ADCY3: variants seen among roughly 807,000 people sequenced by gnomAD.
The protein encoded by ADCY3 is adenylate cyclase type 3.
A neutral mutation model predicts 119.4 loss-of-function variants in ADCY3; 70 were observed. That is an observed-to-expected ratio of 0.59 (90% CI 0.48 to 0.72). ADCY3 has a LOEUF of 0.72. ADCY3 is among the 30% of genes least tolerant of loss of function. ADCY3 has a pLI of 0.00. For missense variants in ADCY3, 1,238 were observed against 1,541.6 expected, an observed-to-expected ratio of 0.80 and a Z score of 3.30; for synonymous variants, 672 against 621.4, an observed-to-expected ratio of 1.08 and a Z score of -1.21.
chr2:24,887,544 A>G (rs1677184532), intron 2 of ADCY3, among the ~76,000 whole-genome samples: 1 of 152,018 alleles, frequency 6.6e-6, no homozygotes, highest in South Asian at 2.1e-4. Context: ...TCATGCAGCG[A>G]TAGCCGTGAT....
intron 2 of ADCY3, among the ~76,000 whole-genome samples, chr2:24,896,864 C>T (rs182008937): frequency 1.3e-5 from 2 of 152,232 alleles, no homozygotes; most frequent in African/African-American, 2.4e-5. Flanking sequence ...CGCCAGTCTC[C>T]GTTTGGGTTC....
intron 7 of ADCY3, 77 bp from the exon 8 acceptor site, chr2:24,838,699 C>T (rs1361188525): frequency 5.7e-6 from 9 of 1,591,950 alleles, no homozygotes; most frequent in African/African-American, 1.3e-5. Flanking sequence ...CCACGGACCA[C>T]GGCTGCACCG....
intron 9 of ADCY3, among the ~76,000 whole-genome samples, chr2:24,836,348 G>A (rs1032034257): frequency 2.0e-5 from 3 of 152,312 alleles, no homozygotes; most frequent in African/African-American, 4.8e-5. Flanking sequence ...TCCCCCTCAC[G>A]CGGTGAGCCC....
chr2:24,827,364 C>T (rs1668771306), intron 15 of ADCY3, among the ~76,000 whole-genome samples, 182 bp downstream of exon 15: 1 of 152,230 alleles, frequency 6.6e-6, no homozygotes, highest in East Asian at 1.9e-4. Context: ...CTGGTATTTC[C>T]TTCCCTCCTC....
chr2:24,912,181 TG>T, intron 2 of ADCY3, among the ~76,000 whole-genome samples: 1 of 151,918 alleles, frequency 6.6e-6, no homozygotes, highest in South Asian at 2.1e-4. Context: ...AATTTGGTGA[TG>T]GCTGGGCATG....
chr2:24,918,959 G>T lies in ADCY3; in HGVS notation c.29C>A (p.Pro10His), dbSNP rs768462891. Residue 10 changes from proline (P) to histidine (H), a missense_variant, in exon 2 of 22, where the codon CCC becomes CAC. By Grantham distance (77) the Pro-to-His change is moderately conservative (BLOSUM62 -2). Transcript: ENST00000679454. This position sits in a 1 kb window ranked among gnomAD's most constrained non-coding sequence, Gnocchi z 5.4. The part of the protein sequence containing the change: MPRNQGFSE[P>H]EYSAEYSAEY... ...GGCTGAGTACTCGGCCGAGTATTCGGGCTCGGAGAAGCCCTGGTTCCTCGG... is the reference window on the plus strand; with the variant it reads ...GGCTGAGTACTCGGCCGAGTATTCGTGCTCGGAGAAGCCCTGGTTCCTCGG... 3 of 1,600,192 alleles carry T rather than the reference G, an allele frequency of 1.9e-6. No individual in the cohort carries two copies. Among genetic ancestry groups the T allele is most frequent in the Non-Finnish European group, 2.6e-6 (3 of 1,175,332 alleles).
At chr2:24,915,576 T>C (rs1193929312) in intron 2 of ADCY3, among the ~76,000 whole-genome samples, 1 of 152,216 alleles carries the variant, frequency 6.6e-6, no homozygotes, top group African/African-American at 2.4e-5. Context: ...AGTCTCACTC[T>C]GTCGCCCAGG....
At chr2:24,826,903 TA>T (rs1668705265) in intron 15 of ADCY3, among the ~76,000 whole-genome samples, 1 of 152,234 alleles carries the variant, frequency 6.6e-6, no homozygotes, top group Admixed American at 6.5e-5. Context: ...GTGTAAGAGT[TA>T]CTATTGTACT....
chr2:24,870,837 T>C (rs1674907159), intron 3 of ADCY3, among the ~76,000 whole-genome samples: 1 of 152,328 alleles, frequency 6.6e-6, no homozygotes, highest in African/African-American at 2.4e-5. Flanking sequence ...GGGTTTCTCA[T>C]TTGACCCTCA....
chr2:24,877,943 C>T (rs776622631), intron 2 of ADCY3: 1 of 471,240 alleles, frequency 2.1e-6, no homozygotes, highest in South Asian at 1.5e-5. Flanking sequence ...GGTTGAGAAG[C>T]CTGCTCTGGA....
At position 24,842,184 on chromosome 2, in the gene ADCY3, C is replaced by A; in HGVS notation, c.956+70G>T. 2 of 1,602,414 alleles carry A rather than the reference C, an allele frequency of 1.2e-6. No homozygotes were observed. The highest frequency in any genetic ancestry group is 1.7e-5 in the Admixed American group (1 of 59,846). ...ACCTCTTGAAGCCCACAGCACCTAG[C>A]GGGTCCCACAAAGATGCAGCCCTCC... On this transcript the variant is annotated intron_variant, in intron 4 of 21. Transcript: ENST00000679454. This position sits in a 1 kb window ranked among gnomAD's most constrained non-coding sequence, Gnocchi z 4.9.
Position 24,834,710 on chromosome 2 carries a change from C to T in ADCY3, c.1806-64G>A, listed in dbSNP as rs553031848. On this transcript the variant is annotated intron_variant, in intron 10 of 21. Transcript: ENST00000679454. This position sits in a 1 kb window ranked among gnomAD's most constrained non-coding sequence, Gnocchi z 4.2. The stretch of plus-strand genomic sequence containing the variant: ...ATCTGCCTTGGCCTAGCAGGGGGGC[C>T]GTATTTGGGATGCTCAGTTTCCTGA... The T allele has an allele frequency of 1.8e-5, 29 of 1,602,694 alleles. No individual in the cohort carries two copies. Among genetic ancestry groups the T allele is most frequent in the African/African-American group, 9.4e-5 (7 of 74,776 alleles).
Position 24,842,240 on chromosome 2 carries a change from C to G in ADCY3, c.956+14G>C, listed in dbSNP as rs994872426. 3 of 1,613,806 alleles carry G rather than the reference C, an allele frequency of 1.9e-6. No homozygotes were observed. Among genetic ancestry groups the G allele is most frequent in the Admixed American group, 3.3e-5 (2 of 60,008 alleles). On this transcript the variant is annotated intron_variant, in intron 4 of 21. Transcript: ENST00000679454. This position sits in a 1 kb window ranked among gnomAD's most constrained non-coding sequence, Gnocchi z 4.9. ...CTGCTCTGCCATCAGAGCCCGCGCC[C>G]CGGGCCGGCGTACCTGACGTTCTCG...
At chr2:24,851,607 C>A (rs578160792) in intron 3 of ADCY3, among the ~76,000 whole-genome samples, 5 of 152,270 alleles carry the variant, frequency 3.3e-5, no homozygotes, top group Admixed American at 1.3e-4. Flanking sequence ...CTCTCATCTG[C>A]TTTAATGTTG....
intron 3 of ADCY3, among the ~76,000 whole-genome samples, chr2:24,869,181 A>G (rs1463836967): frequency 6.6e-6 from 1 of 152,212 alleles, no homozygotes; most frequent in East Asian, 1.9e-4. Context: ...AAAAAGGAAC[A>G]TCATTACCCA....
rs549488820 is a variant in ADCY3 at position 24,908,097 on chromosome 2, A to G, written c.675+10216T>C. Among the ~76,000 whole-genome samples, 395 of 152,324 alleles carry G rather than the reference A, an allele frequency of 2.6e-3. 2 individuals are homozygous for G. The highest frequency in any genetic ancestry group is 0.01 in the Middle Eastern group (3 of 294). ...AGCACTTTGGAAGGCCAAGGTGGGCAGATCACCTGAGGTCAGGAATTCAAG... is the reference window on the plus strand; with the variant it reads ...AGCACTTTGGAAGGCCAAGGTGGGCGGATCACCTGAGGTCAGGAATTCAAG... On this transcript the variant is annotated intron_variant, in intron 2 of 21. Coordinates refer to ENST00000679454, the MANE Select transcript of ADCY3 (RefSeq NM_004036.5).
At chr2:24,830,862 G>A (rs1669393296) in intron 12 of ADCY3, 37 bp from the exon 13 acceptor site, 1 of 1,536,692 alleles carries the variant, frequency 6.5e-7, no homozygotes, top group Non-Finnish European at 9.0e-7. Flanking sequence ...ATGAGCCTTT[G>A]CCAGTCCTTT....
At chr2:24,912,684 G>A (rs1220232822) in intron 2 of ADCY3, among the ~76,000 whole-genome samples, 1 of 151,996 alleles carries the variant, frequency 6.6e-6, no homozygotes, top group Non-Finnish European at 1.5e-5. Context: ...CTGGGCTTCC[G>A]TTTCCTCTCT....
chr2:24,890,866 T>C (rs1054668115), intron 2 of ADCY3, among the ~76,000 whole-genome samples: 1 of 152,096 alleles, frequency 6.6e-6, no homozygotes, highest in Non-Finnish European at 1.5e-5. Context: ...CATCACAGAC[T>C]TTAGACCTTT....
Sources: allele counts gnomAD v4.1 joint callset (sites outside exome capture counted in the v4.1 genomes callset), GRCh38; gene constraint gnomAD v4.1.1; non-coding constraint Gnocchi (gnomAD v3.1); transcripts MANE v1.5; gene names NCBI Gene and HGNC (gene_info 2026-07-23, HGNC 2026-07-21).